Variants in RUNDC3A observed in about 807,000 individuals in gnomAD.
The protein encoded by RUNDC3A is RUN domain-containing protein 3A.
A neutral mutation model predicts 53.9 loss-of-function variants in RUNDC3A; 28 were observed. The ratio of observed to expected loss-of-function variants is 0.52; its 90% CI spans 0.38 to 0.71. RUNDC3A has a LOEUF of 0.71. Among genes scored for constraint, RUNDC3A ranks in the 30% least tolerant of loss-of-function variants. The probability of loss-of-function intolerance (pLI) is 0.00; values close to 1 mark genes in which losing one functional copy is unlikely to be tolerated. For synonymous variants in RUNDC3A, 232 were observed against 249.4 expected (o/e 0.93, Z 0.66); for missense variants, 491 against 597.3 (o/e 0.82, Z 1.85).
chr17:44,313,498 C>G lies in RUNDC3A; in HGVS notation c.453C>G (p.Thr151=). Residue 151 remains threonine (T), a synonymous_variant, in exon 4 of 11, where the codon ACC becomes ACG. Transcript: ENST00000426726. ...YITTALRDTR[T]TRRFYDSGAI... is the part of the protein sequence containing the mutation. ...CCACGGCTCTGCGTGACACCCGGAC[C>G]ACCAGGTCAGACTTCCCAGGCAACT... The G allele has an allele frequency of 1.2e-6, 2 of 1,608,310 alleles. No homozygotes were observed. The highest frequency in any genetic ancestry group is 1.7e-6 in the Non-Finnish European group (2 of 1,175,312).
rs1472274737 is a variant in RUNDC3A, at chr17:44,316,949, A to G, written c.1198+224A>G. 19 of 476,382 alleles carry G rather than the reference A, an allele frequency of 4.0e-5. No homozygotes were observed. The East Asian group carries it at 6.1e-4, about 15-fold the overall frequency. 29.5% of individuals were successfully genotyped at this position (476,382 alleles called of 1,614,324 possible). The stretch of plus-strand genomic sequence containing the variant: ...GGGATTCCCTTGCCTCAGCCTCCCG[A>G]GTAGCTGGGATTAAAAGCGCCTGCC... On this transcript the variant is annotated intron_variant, in intron 10 of 10. Coordinates refer to ENST00000426726, the MANE Select transcript of RUNDC3A (RefSeq NM_001144825.2).
chr17:44,309,008 G>A (rs1407866498), intron 1 of RUNDC3A, 69 bp downstream of exon 1: 2 of 1,079,328 alleles, frequency 1.9e-6, no homozygotes, highest in South Asian at 3.0e-5. Flanking sequence ...GCGGAAACCC[G>A]GACTGAGCGC....
chr17:44,313,492 C>G lies in RUNDC3A; in HGVS notation c.447C>G (p.Thr149=). Residue 149 remains threonine (T), a synonymous_variant, in exon 4 of 11, where the codon ACC becomes ACG. Transcript: ENST00000426726. ...SEYITTALRD[T]RTTRRFYDSG... is the part of the protein sequence containing the mutation. ...ACATCACCACGGCTCTGCGTGACAC[C>G]CGGACCACCAGGTCAGACTTCCCAG... 1 of 1,609,230 alleles carries G rather than the reference C, an allele frequency of 6.2e-7. No individual in the cohort carries two copies. The highest frequency in any genetic ancestry group is 8.5e-7 in the Non-Finnish European group (1 of 1,176,026).
chr17:44,317,465 C>G, intron 10 of RUNDC3A: 1 of 780,824 alleles, frequency 1.3e-6, no homozygotes, highest in Non-Finnish European at 2.4e-6. Flanking sequence ...CATTGTTTCC[C>G]CCTTCTCTTT....
chr17:44,317,358 TTA>T, intron 10 of RUNDC3A: 2 of 730,324 alleles, frequency 2.7e-6, no homozygotes, highest in South Asian at 2.9e-5. Flanking sequence ...CAGTGGTTTT[TTA>T]GTGTCATGAC....
chr17:44,310,464 A>G (rs1467854945), intron 1 of RUNDC3A, among the ~76,000 whole-genome samples: 1 of 152,214 alleles, frequency 6.6e-6, no homozygotes, highest in Admixed American at 6.5e-5. Context: ...TCTCCTTGAC[A>G]TAGGCCAGAG....
In RUNDC3A at chr17:44,315,431, G is replaced by A. The variant is rs1196118541; in HGVS notation, c.796-21G>A. On this transcript the variant is annotated intron_variant, in intron 7 of 10. Coordinates refer to ENST00000426726, the MANE Select transcript of RUNDC3A (RefSeq NM_001144825.2). The surrounding 1 kb of genome is among the most constrained non-coding windows in gnomAD (Gnocchi z 6.1). Reference sequence around the variant, plus strand: ...GCCGGGACGTCCTCCCAGCCGCCCGGGCTGAGCCGGCGCCCCGCAGGGCTA... The same window carrying A: ...GCCGGGACGTCCTCCCAGCCGCCCGAGCTGAGCCGGCGCCCCGCAGGGCTA... 2 of 1,428,140 alleles carry A rather than the reference G, an allele frequency of 1.4e-6. No homozygotes were observed. The highest frequency in any genetic ancestry group is 3.0e-5 in the Admixed American group (1 of 33,550). 88.5% of individuals were successfully genotyped at this position (1,428,140 alleles called of 1,614,324 possible).
chr17:44,310,158 G>A (rs192562204), intron 1 of RUNDC3A: 1 of 152,416 alleles, frequency 6.6e-6, no homozygotes, highest in Non-Finnish European at 1.5e-5. Flanking sequence ...GGGCCAGAAG[G>A]TCCTAGGTTC....
intron 4 of RUNDC3A, chr17:44,314,502 G>C: frequency 1.4e-6 from 2 of 1,413,094 alleles, no homozygotes; most frequent in Non-Finnish European, 1.8e-6. Flanking sequence ...TGATGAGGAA[G>C]GGGTAGCTCA....
At chr17:44,310,708 G>C (rs1427612767) in intron 1 of RUNDC3A, 2 of 985,462 alleles carry the variant, frequency 2.0e-6, no homozygotes, top group Admixed American at 6.1e-5. Context: ...TCTCCTATCA[G>C]GGAGCACACC....
chr17:44,314,023 G>A, intron 4 of RUNDC3A: 1 of 991,896 alleles, frequency 1.0e-6, no homozygotes, highest in Non-Finnish European at 1.2e-6. Flanking sequence ...CAAATCTAAT[G>A]CCCATTATTT....
At chr17:44,311,275 A>T in intron 1 of RUNDC3A, 1 of 985,522 alleles carries the variant, frequency 1.0e-6, no homozygotes, top group Non-Finnish European at 1.2e-6. Context: ...AGTAGAGGAC[A>T]AAGGGCGGTG....
In RUNDC3A at chr17:44,313,106, T is replaced by C; in HGVS notation, c.226T>C (p.Cys76Arg). 1 of 1,613,870 alleles carries C rather than the reference T, an allele frequency of 6.2e-7. No individual in the cohort carries two copies. The highest frequency in any genetic ancestry group is 1.1e-5 in the South Asian group (1 of 91,090). Residue 76 changes from cysteine (C) to arginine (R), a missense_variant and splice_region_variant, in exon 3 of 11, where the codon TGT (cysteine) becomes CGT (arginine). By Grantham distance (180) the Cys-to-Arg change is radical (BLOSUM62 -3). Transcript: ENST00000426726. ...GCCCCCTCCCTGCCCTGGCTCAGCCTGTGCCCCAGCAGGTCCAGTGAGCTG... is the reference window on the plus strand; with the variant it reads ...GCCCCCTCCCTGCCCTGGCTCAGCCCGTGCCCCAGCAGGTCCAGTGAGCTG... ...EQILSHRFKA[C>R]APAGPVSWFS...
chr17:44,314,688 G>GGGGGCC, intron 4 of RUNDC3A, 47 bp from the exon 5 acceptor site: 2 of 931,064 alleles, frequency 2.1e-6, no homozygotes, highest in South Asian at 1.6e-5. Flanking sequence ...GGGGGGGGGG[G>GGGGGCC]CGCTCCAGGG....
chr17:44,308,776 G>T lies in RUNDC3A; in HGVS notation c.-57G>T. ...CAGCCGTGATCCAGCGACGGGTTTG[G>T]GGCTCCGGGAGGGGTGGGGGGGCAG... On this transcript the variant is annotated 5_prime_UTR_variant, in exon 1 of 11. Transcript: ENST00000426726. 8.0e-7 allele frequency: 1 copy of T among 1,244,672 alleles called. No homozygotes were observed. 77.1% of individuals were successfully genotyped at this position (1,244,672 alleles called of 1,614,324 possible).
chr17:44,311,090 G>A, intron 1 of RUNDC3A: 1 of 985,510 alleles, frequency 1.0e-6, no homozygotes. Context: ...AGTGCCACAG[G>A]GAAACAGGAT....
At position 44,314,915 on chromosome 17, in the gene RUNDC3A, C is replaced by T. The variant is rs976636688; in HGVS notation, c.549-14C>T. ...CTCACACCCACCTCCAACCCTGTGG[C>T]TCCTCTGCCTCAGCTTCTGTCTAAA... On this transcript the variant is annotated splice_polypyrimidine_tract_variant and intron_variant, in intron 5 of 10. Coordinates refer to ENST00000426726, the MANE Select transcript of RUNDC3A (RefSeq NM_001144825.2). 1 of 1,614,066 alleles carries T rather than the reference C, an allele frequency of 6.2e-7. No individual in the cohort carries two copies. The highest frequency in any genetic ancestry group is 8.5e-7 in the Non-Finnish European group (1 of 1,179,902).
intron 4 of RUNDC3A, chr17:44,314,237 G>T (rs1225878987): frequency 1.0e-6 from 1 of 1,004,440 alleles, no homozygotes; most frequent in African/African-American, 1.7e-5. Flanking sequence ...TTCACAGGGA[G>T]GTTGGGTGCC....
chr17:44,309,120 C>T (rs939999841), intron 1 of RUNDC3A, among the ~76,000 whole-genome samples, 181 bp downstream of exon 1: 2 of 152,160 alleles, frequency 1.3e-5, no homozygotes, highest in South Asian at 2.1e-4. Context: ...GGTCCCTACC[C>T]TTCTAGGCCA....
Sources: gnomAD v4.1 joint callset for allele counts (sites outside exome capture counted in the v4.1 genomes callset) on GRCh38, gnomAD v4.1.1 for gene constraint, Gnocchi (gnomAD v3.1) non-coding constraint, MANE v1.5 for transcripts, NCBI Gene and HGNC (gene_info 2026-07-23, HGNC 2026-07-21) for gene names.